Variants in PIWIL4 observed in about 807,000 individuals in gnomAD.
PIWIL4 encodes piwi-like protein 4.
PIWIL4 carries 50 observed loss-of-function variants against 100.9 expected under a neutral mutation model. That is an observed-to-expected ratio of 0.50 (90% CI 0.39 to 0.63). The LOEUF (loss-of-function observed/expected upper bound fraction) is 0.63, where lower values mean the gene tolerates loss of function less well. Among genes scored for constraint, PIWIL4 ranks in the 20% least tolerant of loss-of-function variants. PIWIL4 has a pLI of 0.00. For missense variants in PIWIL4, 887 were observed against 1,043.3 expected (o/e 0.85, Z 2.06); for synonymous variants, 342 against 367.5 (o/e 0.93, Z 0.79).
At chr11:94,620,206 CA>C in intron 19 of PIWIL4, 62 bp downstream of exon 19, 2 of 1,473,058 alleles carry the variant, frequency 1.4e-6, no homozygotes, top group Non-Finnish European at 1.8e-6. Context: ...TAGGAATTAT[CA>C]TACACGTCAT....
chr11:94,619,661 A>G, intron 17 of PIWIL4, 99 bp from the exon 18 acceptor site: 1 of 1,330,500 alleles, frequency 7.5e-7, no homozygotes, highest in Non-Finnish European at 1.0e-6. Flanking sequence ...TGTTTTTCAA[A>G]TGGAATTTTT....
At chr11:94,572,185 G>T (rs1425749268) in intron 2 of PIWIL4, among the ~76,000 whole-genome samples, 2 of 152,082 alleles carry the variant, frequency 1.3e-5, no homozygotes, top group African/African-American at 2.4e-5. Context: ...ATTCTGGATA[G>T]TAGCCCTTTG....
At chr11:94,581,875 G>T (rs1471209264) in intron 4 of PIWIL4, among the ~76,000 whole-genome samples, 5 of 152,128 alleles carry the variant, frequency 3.3e-5, no homozygotes, top group Non-Finnish European at 7.4e-5. Context: ...AGAAGACCAG[G>T]GTCCATCCAA....
At chr11:94,572,063 C>T (rs1217701867) in intron 2 of PIWIL4, among the ~76,000 whole-genome samples, 2 of 152,130 alleles carry the variant, frequency 1.3e-5, no homozygotes, top group Non-Finnish European at 2.9e-5. Context: ...TTTTCATGTG[C>T]CTGTTGGCTG....
intron 9 of PIWIL4, among the ~76,000 whole-genome samples, chr11:94,594,922 G>T (rs1458258153): frequency 6.6e-6 from 1 of 152,140 alleles, no homozygotes; most frequent in Non-Finnish European, 1.5e-5. Context: ...TTGAACACTT[G>T]AATTGGGACT....
intron 15 of PIWIL4, 144 bp from the exon 16 acceptor site, chr11:94,616,349 A>T: frequency 1.5e-6 from 1 of 684,934 alleles, no homozygotes; most frequent in South Asian, 1.9e-5. Context: ...GGTCTCTTTG[A>T]TATAATTGTG....
At position 94,574,948 on chromosome 11, in the gene PIWIL4, G is replaced by A. The variant is rs775315757; in HGVS notation, c.167-51G>A. ...ATTTTTGACATAGTAGTTGCAAACA[G>A]TATCACTAGAATGAAATATTAGCTG... On this transcript the variant is annotated intron_variant, in intron 2 of 19. Transcript: ENST00000299001. The A allele has an allele frequency of 7.0e-6, 11 of 1,566,134 alleles. No individual in the cohort carries two copies. The South Asian group carries it at 1.2e-4, about 18-fold the overall frequency.
intron 15 of PIWIL4, among the ~76,000 whole-genome samples, chr11:94,610,170 G>A (rs936301651): frequency 1.3e-5 from 2 of 151,668 alleles, no homozygotes; most frequent in African/African-American, 4.8e-5. Context: ...AATGTCCGTG[G>A]GTTCATTCAT....
At chr11:94,615,453 C>T (rs1320050640) in intron 15 of PIWIL4, among the ~76,000 whole-genome samples, 2 of 152,180 alleles carry the variant, frequency 1.3e-5, no homozygotes, top group East Asian at 3.9e-4. Context: ...GCTGGAACGT[C>T]ACCATTGGAG....
chr11:94,577,283 A>T lies in PIWIL4; in HGVS notation c.304A>T (p.Ser102Cys), dbSNP rs1209028780. The T allele has an allele frequency of 1.2e-6, 2 of 1,611,820 alleles. No individual in the cohort carries two copies. The highest frequency in any genetic ancestry group is 2.2e-5 in the South Asian group (2 of 90,852). The change falls in exon 4 of 20, where the codon AGT becomes TGT. Residue 102 changes from serine (S) to cysteine (C), a missense_variant. Coordinates refer to ENST00000299001, the MANE Select transcript of PIWIL4 (RefSeq NM_152431.3). ...AHVRNCKTGS[S>C]GIPVKLVTNL... The stretch of plus-strand genomic sequence containing the variant: ...TTTTTGTTTGTCTTCTTCAGGTTCC[A>T]GTGGAATACCTGTGAAACTGGTTAC...
intron 16 of PIWIL4, among the ~76,000 whole-genome samples, chr11:94,617,509 T>C (rs1226986053): frequency 2.0e-5 from 3 of 152,184 alleles, no homozygotes; most frequent in Non-Finnish European, 2.9e-5. Flanking sequence ...AGTGTGAAGA[T>C]ATGTTTTCAG....
intron 2 of PIWIL4, among the ~76,000 whole-genome samples, chr11:94,572,423 T>C (rs1431847919): frequency 2.0e-5 from 3 of 152,234 alleles, no homozygotes; most frequent in Non-Finnish European, 4.4e-5. Flanking sequence ...TGGTTTTAGG[T>C]CTAAGATTTA....
At chr11:94,589,342 C>T (rs1043514588) in intron 8 of PIWIL4, 110 bp downstream of exon 8, 1 of 826,458 alleles carries the variant, frequency 1.2e-6, no homozygotes, top group African/African-American at 1.7e-5. Flanking sequence ...TGCCTCCGAC[C>T]TGATTCTCTG....
chr11:94,592,189 T>C (rs1948495628), intron 8 of PIWIL4, among the ~76,000 whole-genome samples: 1 of 152,224 alleles, frequency 6.6e-6, no homozygotes, highest in South Asian at 2.1e-4. Flanking sequence ...AGCAGAGTCT[T>C]AACAGATCAA....
chr11:94,588,768 A>G (rs1346288360), intron 7 of PIWIL4, among the ~76,000 whole-genome samples: 1 of 152,188 alleles, frequency 6.6e-6, no homozygotes, highest in Non-Finnish European at 1.5e-5. Context: ...CTCTTGAGTG[A>G]CACCAGAAGA....
chr11:94,598,641 G>A (rs1948591640), intron 11 of PIWIL4, among the ~76,000 whole-genome samples: 1 of 150,374 alleles, frequency 6.7e-6, no homozygotes, highest in Non-Finnish European at 1.5e-5. Context: ...AAACCAGTAT[G>A]TCTAACTGAT....
At chr11:94,618,139 C>A in intron 17 of PIWIL4, 32 bp downstream of exon 17, 1 of 1,512,962 alleles carries the variant, frequency 6.6e-7, no homozygotes, top group South Asian at 1.3e-5. Context: ...CTCCATACTC[C>A]CAATTATAGC....
chr11:94,601,592 C>A (rs1465576817), intron 11 of PIWIL4, among the ~76,000 whole-genome samples: 1 of 152,190 alleles, frequency 6.6e-6, no homozygotes, highest in Non-Finnish European at 1.5e-5. Flanking sequence ...GCCTGGAAGA[C>A]CTGGGATGAC....
At chr11:94,578,252 A>T (rs2135245028) in intron 4 of PIWIL4, among the ~76,000 whole-genome samples, 1 of 152,258 alleles carries the variant, frequency 6.6e-6, no homozygotes, top group South Asian at 2.1e-4. Context: ...TCAGGATCTT[A>T]ATACCATTTA....
Sources: gnomAD v4.1 joint callset for allele counts (sites outside exome capture counted in the v4.1 genomes callset) on GRCh38, gnomAD v4.1.1 for gene constraint, MANE v1.5 for transcripts, NCBI Gene and HGNC (gene_info 2026-07-23, HGNC 2026-07-21) for gene names.